Variants in SEMA3C observed in about 807,000 individuals in gnomAD.
The protein encoded by SEMA3C is semaphorin-3C.
A neutral mutation model predicts 89.4 loss-of-function variants in SEMA3C; 47 were observed. The ratio of observed to expected loss-of-function variants is 0.53; its 90% CI spans 0.42 to 0.67. The LOEUF (loss-of-function observed/expected upper bound fraction) is 0.67, where lower values mean the gene tolerates loss of function less well. Among genes scored for constraint, SEMA3C ranks in the 30% least tolerant of loss-of-function variants. SEMA3C has a pLI of 0.00. For missense variants in SEMA3C, 839 were observed against 929.1 expected (o/e 0.90, Z 1.26); for synonymous variants, 310 against 320.2 (o/e 0.97, Z 0.34).
At chr7:80,911,554 T>C (rs1457670006) in intron 2 of SEMA3C, among the ~76,000 whole-genome samples, 1 of 152,000 alleles carries the variant, frequency 6.6e-6, no homozygotes, top group Non-Finnish European at 1.5e-5. Context: ...CCATCTTCAT[T>C]TGATAAAGAG....
chr7:80,892,399 A>G (rs991120650), intron 2 of SEMA3C, among the ~76,000 whole-genome samples: 6 of 152,234 alleles, frequency 3.9e-5, no homozygotes, highest in Admixed American at 2.6e-4. Context: ...GTGATCTGTG[A>G]TATTTTCGTC....
chr7:80,792,597 T>C (rs1788968906), intron 11 of SEMA3C, among the ~76,000 whole-genome samples: 1 of 152,230 alleles, frequency 6.6e-6, no homozygotes, highest in Non-Finnish European at 1.5e-5. Context: ...TTAACAATTA[T>C]GTCAAGGTTG....
At chr7:80,875,150 G>A (rs116551314) in intron 2 of SEMA3C, among the ~76,000 whole-genome samples, 3,092 of 151,580 alleles carry the variant, frequency 0.02, 108 homozygotes, top group African/African-American at 0.071. Flanking sequence ...TCATAGGTGA[G>A]GAATAAATTA....
At position 80,756,860 on chromosome 7, in the gene SEMA3C, T is replaced by C. The variant is rs35055479; in HGVS notation, c.1643+1471A>G. The stretch of plus-strand genomic sequence containing the variant: ...ATCACGACCTCCTGCTTACCACTTA[T>C]TGTACCTACCTTCTCTGCCCTTTTT... On this transcript the variant is annotated intron_variant, in intron 15 of 17. Coordinates refer to ENST00000265361, the MANE Select transcript of SEMA3C (RefSeq NM_006379.5). Among the ~76,000 whole-genome samples, 2,709 of 152,304 alleles carry C rather than the reference T, an allele frequency of 0.018. 243 individuals are homozygous for C. In the East Asian group the frequency reaches 0.26, roughly 15 times the overall value.
intron 2 of SEMA3C, among the ~76,000 whole-genome samples, chr7:80,914,991 CTT>C (rs1292639724): frequency 6.6e-6 from 1 of 152,086 alleles, no homozygotes; most frequent in Admixed American, 6.6e-5. Context: ...TAGTAACACA[CTT>C]TTTGTTGATA....
intron 2 of SEMA3C, among the ~76,000 whole-genome samples, chr7:80,879,374 G>GA (rs1269661870): frequency 6.6e-6 from 1 of 152,144 alleles, no homozygotes; most frequent in African/African-American, 2.4e-5. Context: ...CATGAGGAAT[G>GA]AAATAACCTT....
intron 5 of SEMA3C, among the ~76,000 whole-genome samples, chr7:80,815,191 T>C (rs1789570903): frequency 6.6e-6 from 1 of 152,068 alleles, no homozygotes; most frequent in African/African-American, 2.4e-5. Flanking sequence ...AATTAAAAAG[T>C]AGGCATAGCA....
intron 16 of SEMA3C, among the ~76,000 whole-genome samples, chr7:80,750,435 C>CATATATATATATATAT (rs71520704): frequency 1.4e-5 from 1 of 71,080 alleles, no homozygotes; most frequent in South Asian, 4.2e-4. Flanking sequence ...TACATACGTA[C>CATATATATATATATAT]ATATATATAT....
At chr7:80,762,337 A>G (rs1017606049) in intron 13 of SEMA3C, among the ~76,000 whole-genome samples, 3 of 152,132 alleles carry the variant, frequency 2.0e-5, no homozygotes, top group Admixed American at 6.5e-5. Flanking sequence ...CGGAAAGACA[A>G]TATATTAGGC....
chr7:80,805,963 CTA>C (rs1296669286), intron 6 of SEMA3C, among the ~76,000 whole-genome samples: 1 of 151,836 alleles, frequency 6.6e-6, no homozygotes, highest in South Asian at 2.1e-4. Context: ...ATGATAATTA[CTA>C]TGTTTTTTAA....
At chr7:80,819,515 C>G (rs1234830529) in intron 4 of SEMA3C, among the ~76,000 whole-genome samples, 3 of 152,168 alleles carry the variant, frequency 2.0e-5, no homozygotes, top group African/African-American at 4.8e-5. Context: ...TGCACAATGG[C>G]AGACACTATT....
chr7:80,781,614 C>A (rs764665354), intron 12 of SEMA3C, among the ~76,000 whole-genome samples: 6 of 152,184 alleles, frequency 3.9e-5, no homozygotes, highest in Non-Finnish European at 7.3e-5. Context: ...CCTGGCTCAG[C>A]AGCAGGCTGT....
chr7:80,792,856 T>C (rs1384996803), intron 11 of SEMA3C, among the ~76,000 whole-genome samples: 1 of 152,172 alleles, frequency 6.6e-6, no homozygotes, highest in Admixed American at 6.5e-5. Flanking sequence ...CAAACACAAA[T>C]TGATTGCCCT....
intron 17 of SEMA3C, among the ~76,000 whole-genome samples, chr7:80,747,763 G>A (rs752307506): frequency 2.9e-4 from 44 of 152,058 alleles, no homozygotes; most frequent in Non-Finnish European, 5.4e-4. Flanking sequence ...TTAGGCTTTA[G>A]AAGAATGATG....
At chr7:80,850,322 A>C (rs986381364) in intron 2 of SEMA3C, among the ~76,000 whole-genome samples, 1 of 152,202 alleles carries the variant, frequency 6.6e-6, no homozygotes, top group African/African-American at 2.4e-5. Context: ...ATGTGTGTAA[A>C]ATGTTAACAG....
intron 3 of SEMA3C, among the ~76,000 whole-genome samples, chr7:80,827,702 G>A (rs1789908861): frequency 6.6e-6 from 1 of 151,674 alleles, no homozygotes; most frequent in Non-Finnish European, 1.5e-5. Flanking sequence ...TTTCACAAAT[G>A]CTTTTCAATA....
chr7:80,745,022 T>C lies in SEMA3C; in HGVS notation c.2128A>G (p.Lys710Glu), dbSNP rs370966247. The C allele has an allele frequency of 1.2e-6, 2 of 1,613,978 alleles. No individual in the cohort carries two copies. The highest frequency in any genetic ancestry group is 2.2e-5 in the East Asian group (1 of 44,882). ...TGCTGATGTTGCTGCCGAGTGTCTT[T>C]GCAATATTGGTTAATCATCTGCATT... ...SEMQMINQYC[K>E]DTRQQHQQGD... is the part of the protein sequence containing the mutation. Residue 710 changes from lysine to glutamate, a missense_variant, in exon 18 of 18, where the codon AAA (lysine) becomes GAA (glutamate). Coordinates refer to ENST00000265361, the MANE Select transcript of SEMA3C (RefSeq NM_006379.5).
At chr7:80,825,978 A>T (rs1039339162) in intron 4 of SEMA3C, among the ~76,000 whole-genome samples, 2 of 152,036 alleles carry the variant, frequency 1.3e-5, no homozygotes, top group African/African-American at 4.8e-5. Context: ...GGTCTAACAG[A>T]TCCCTTGGAT....
chr7:80,860,220 A>G (rs954203554), intron 2 of SEMA3C, among the ~76,000 whole-genome samples: 10 of 152,158 alleles, frequency 6.6e-5, no homozygotes, highest in Non-Finnish European at 1.3e-4. Context: ...ACCTATGACT[A>G]TAAGTAAACT....
Sources: gnomAD v4.1 joint callset for allele counts (sites outside exome capture counted in the v4.1 genomes callset) on GRCh38, gnomAD v4.1.1 for gene constraint, MANE v1.5 for transcripts, NCBI Gene and HGNC (gene_info 2026-07-23, HGNC 2026-07-21) for gene names.